Variants in CD93 observed in about 807,000 individuals in gnomAD.
CD93 encodes CD93 molecule, also known as complement component C1q receptor.
CD93 carries 44 observed loss-of-function variants against 45.5 expected under a neutral mutation model. The ratio of observed to expected loss-of-function variants is 0.97; its 90% CI spans 0.76 to 1.24. The LOEUF (loss-of-function observed/expected upper bound fraction) is 1.24, where lower values mean the gene tolerates loss of function less well. Ranked by LOEUF, CD93 falls within the 50% of genes most tolerant of loss-of-function variation. The pLI, the probability that CD93 is intolerant of heterozygous loss-of-function variation, is 0.00. For missense variants in CD93, 918 were observed against 844.5 expected, an observed-to-expected ratio of 1.09 and a Z score of -1.08; for synonymous variants, 431 against 370.8, an observed-to-expected ratio of 1.16 and a Z score of -1.87.
Position 23,086,104 on chromosome 20 carries a change from A to G in CD93, c.89T>C (p.Val30Ala), listed in dbSNP as rs780643608. The G allele has an allele frequency of 9.4e-6, 15 of 1,593,594 alleles. No homozygotes were observed. The Admixed American group carries it at 1.4e-4, about 14-fold the overall frequency. Residue 30 changes from valine to alanine, a missense_variant, in exon 1 of 2, where the codon GTC (valine) becomes GCC (alanine). By Grantham distance (64) the Val-to-Ala change is moderately conservative. Transcript: ENST00000246006. Reference sequence around the variant, plus strand: ...CGTGTAGCAGGCGGTCCCCACGCAGACCACCGCCTCCGTGTCAGCTCCCGT... The same window carrying G: ...CGTGTAGCAGGCGGTCCCCACGCAGGCCACCGCCTCCGTGTCAGCTCCCGT... ...AGTGADTEAV[V>A]CVGTACYTAH...
rs1985310083 is a variant in CD93 at position 23,081,077 on chromosome 20, G to C, written c.*2873C>G. On this transcript the variant is annotated 3_prime_UTR_variant, in exon 2 of 2. Coordinates refer to ENST00000246006, the MANE Select transcript of CD93 (RefSeq NM_012072.4). ...GATGTGGGATGAGGGGAGGGAGAGA[G>C]TTGGTCCTGAATATATTCAGTTTTT... The C allele has an allele frequency of 1.3e-5, 2 of 152,158 alleles. No homozygotes were observed. The highest frequency in any genetic ancestry group is 2.9e-5 in the Non-Finnish European group (2 of 68,052). The allele number at this position is 152,158 out of a possible 1,614,324, so 9.4% of individuals were successfully genotyped here. A position where few individuals can be genotyped will look rare whatever the true frequency, so the allele number is the denominator to read the frequency against.
In CD93 at chr20:23,085,376, G is replaced by T; in HGVS notation, c.817C>A (p.Gln273Lys). ...CCATCCCCCCCTTCAAAGCAGTCCT[G>T]GTGGCAGCCCCCATTGTTGAAGTTG... ...GCNFNNGGCH[Q>K]DCFEGGDGSF... The change falls in exon 1 of 2, where the codon CAG (glutamine) becomes AAG (lysine). Residue 273 changes from glutamine to lysine, a missense_variant. Coordinates refer to ENST00000246006, the MANE Select transcript of CD93 (RefSeq NM_012072.4). The T allele has an allele frequency of 6.2e-7, 1 of 1,613,974 alleles. No individual in the cohort carries two copies. Among genetic ancestry groups the T allele is most frequent in the Non-Finnish European group, 8.5e-7 (1 of 1,179,992 alleles).
chr20:23,085,831 T>TTGGGCCCCCC lies in CD93; in HGVS notation c.361_362insGGGGGGCCCA (p.Glu121GlyfsTer10). On this transcript the variant is annotated frameshift_variant, in exon 1 of 2. Coordinates refer to ENST00000246006, the MANE Select transcript of CD93 (RefSeq NM_012072.4). LOFTEE classifies it high-confidence loss of function. ...GTGCCAGTTAGAGTAAGGCGTGTCC[T>TTGGGCCCCCC]CCCCCCCGCCCACCCAGCTGAAGCC... The TTGGGCCCCCC allele has an allele frequency of 4.0e-6, 6 of 1,491,274 alleles. No individual in the cohort carries two copies. Among genetic ancestry groups the TTGGGCCCCCC allele is most frequent in the African/African-American group, 1.4e-5 (1 of 71,644 alleles). The allele number at this position is 1,491,274 out of a possible 1,614,324, so 92.4% of individuals were successfully genotyped here. A position where few individuals can be genotyped will look rare whatever the true frequency, so the allele number is the denominator to read the frequency against.
rs1416345596 is a variant in CD93, at chr20:23,083,292, C to G, written c.*658G>C. On this transcript the variant is annotated 3_prime_UTR_variant, in exon 2 of 2. Coordinates refer to ENST00000246006, the MANE Select transcript of CD93 (RefSeq NM_012072.4). Reference sequence around the variant, plus strand: ...TTTCAAGCTTCCTTTGCAAATAAACCCAAGGCTATTAGAAATGTAAGAACT... The same window carrying G: ...TTTCAAGCTTCCTTTGCAAATAAACGCAAGGCTATTAGAAATGTAAGAACT... 1 of 152,224 alleles carries G rather than the reference C, an allele frequency of 6.6e-6. No individual in the cohort carries two copies. Among genetic ancestry groups the G allele is most frequent in the African/African-American group, 2.4e-5 (1 of 41,434 alleles). 9.4% of individuals were successfully genotyped at this position (152,224 alleles called of 1,614,324 possible).
In CD93 at chr20:23,086,070, C is replaced by T. The variant is rs760796891; in HGVS notation, c.123G>A (p.Ser41=). The T allele has an allele frequency of 5.6e-6, 9 of 1,603,172 alleles. No homozygotes were observed. The highest frequency in any genetic ancestry group is 5.0e-5 in the Admixed American group (3 of 59,772). ...CVGTACYTAH[S]GKLSAAEAQN... ...GGGCCTCGGCAGCGCTCAGCTTGCC[C>T]GAGTGGGCCGTGTAGCAGGCGGTCC... is the stretch of plus-strand genomic sequence containing the variant. Residue 41 remains serine, a synonymous_variant, in exon 1 of 2, where the codon TCG becomes TCA. Coordinates refer to ENST00000246006, the MANE Select transcript of CD93 (RefSeq NM_012072.4).
Position 23,086,288 on chromosome 20 carries a change from G to A in CD93, c.-96C>T, listed in dbSNP as rs1985499980. ...CAGCTGGGCCCCAAGGGGAGCTGAG[G>A]GGTGAGCTGCAGCCACTCCGGCGCA... On this transcript the variant is annotated 5_prime_UTR_variant, in exon 1 of 2. Coordinates refer to ENST00000246006, the MANE Select transcript of CD93 (RefSeq NM_012072.4). 2.9e-6 allele frequency: 4 copies of A among 1,402,862 alleles called. No individual in the cohort carries two copies. Among genetic ancestry groups the A allele is most frequent in the Middle Eastern group, 2.6e-4 (1 of 3,898 alleles). The allele number at this position is 1,402,862 out of a possible 1,614,324, so 86.9% of individuals were successfully genotyped here.
rs1275588296 is a variant in CD93, at chr20:23,079,962, C to T, written c.*3988G>A. The T allele has an allele frequency of 1.3e-5, 2 of 151,892 alleles. No individual in the cohort carries two copies. The highest frequency in any genetic ancestry group is 1.3e-4 in the Admixed American group (2 of 15,216). The allele number at this position is 151,892 out of a possible 1,614,324, so 9.4% of individuals were successfully genotyped here. ...TGAATATATGGAGAATTCGGATTAT[C>T]ATCTCTATTTTTAGTTGAGAAAATG... On this transcript the variant is annotated 3_prime_UTR_variant, in exon 2 of 2. Transcript: ENST00000246006.
Position 23,083,850 on chromosome 20 carries a change from C to A in CD93, c.*100G>T, listed in dbSNP as rs1985393405. On this transcript the variant is annotated 3_prime_UTR_variant, in exon 2 of 2. Transcript: ENST00000246006. ...TACAATTGTTTGCTAAGATTCCAGT[C>A]CAGTCTTTCAAAAAAATGTGGGTGC... 1.9e-6 allele frequency: 2 copies of A among 1,057,888 alleles called. No homozygotes were observed. The highest frequency in any genetic ancestry group is 1.3e-5 in the South Asian group (1 of 79,868). The allele number at this position is 1,057,888 out of a possible 1,614,324, so 65.5% of individuals were successfully genotyped here. A position where few individuals can be genotyped will look rare whatever the true frequency, so the allele number is the denominator to read the frequency against.
rs749900724 is a variant in CD93 at position 23,086,151 on chromosome 20, GAGCAGCAGC to G, written c.33_41del (p.Leu13_Leu15del). On this transcript the variant is annotated inframe_deletion, in exon 1 of 2. Coordinates refer to ENST00000246006, the MANE Select transcript of CD93 (RefSeq NM_012072.4). ...CCGTCCCCGCCCCGGGCTGGGTCAG[GAGCAGCAGC>G]AGCAGCAGCAGCAGGCCCATGGAGG... The G allele has an allele frequency of 2.9e-5, 45 of 1,569,116 alleles. No homozygotes were observed. Among genetic ancestry groups the G allele is most frequent in the Admixed American group, 2.5e-4 (14 of 55,594 alleles).
chr20:23,085,148 A>G lies in CD93; in HGVS notation c.1045T>C (p.Cys349Arg). ...SQLDCVDVDE[C>R]QDSPCAQECV... Reference sequence around the variant, plus strand: ...TCCTGGGCACAGGGGGAGTCCTGGCATTCATCCACGTCCACACAGTCCAGC... The same window carrying G: ...TCCTGGGCACAGGGGGAGTCCTGGCGTTCATCCACGTCCACACAGTCCAGC... The change falls in exon 1 of 2, where the codon TGC becomes CGC. Residue 349 changes from cysteine (C) to arginine (R), a missense_variant. Physicochemically the swap from Cys to Arg is radical, Grantham distance 180. Transcript: ENST00000246006. 6.3e-7 allele frequency: 1 copy of G among 1,581,384 alleles called. No homozygotes were observed. Among genetic ancestry groups the G allele is most frequent in the Non-Finnish European group, 8.6e-7 (1 of 1,162,250 alleles).
At position 23,085,692 on chromosome 20, in the gene CD93, G is replaced by C. The variant is rs1015351873; in HGVS notation, c.501C>G (p.Ser167Arg). 6 of 1,610,486 alleles carry C rather than the reference G, an allele frequency of 3.7e-6. No homozygotes were observed. Among genetic ancestry groups the C allele is most frequent in the African/African-American group, 2.7e-5 (2 of 74,810 alleles). The change falls in exon 1 of 2, where the codon AGC (serine) becomes AGG (arginine). Residue 167 changes from serine (S) to arginine (R), a missense_variant. Ser to Arg is a moderately radical substitution (Grantham distance 110). Transcript: ENST00000246006. ...CAATGTTACTTCCGGGGGAGCCTGG[G>C]CTCCCACAGGGGCCCTCAGACCACT... is the stretch of plus-strand genomic sequence containing the variant. ...LPKWSEGPCG[S>R]PGSPGSNIEG...
Position 23,085,849 on chromosome 20 carries a change from C to G in CD93, c.344G>C (p.Ser115Thr), listed in dbSNP as rs1985483709. Reference sequence around the variant, plus strand: ...CGTGTCCTCCCCCCCGCCCACCCAGCTGAAGCCCTTCAGCGGCAGACTAGG... The same window carrying G: ...CGTGTCCTCCCCCCCGCCCACCCAGGTGAAGCCCTTCAGCGGCAGACTAGG... ...LDPSLPLKGF[S>T]WVGGGEDTPY... Residue 115 changes from serine (S) to threonine (T), a missense_variant, in exon 1 of 2, where the codon AGC (serine) becomes ACC (threonine). Coordinates refer to ENST00000246006, the MANE Select transcript of CD93 (RefSeq NM_012072.4). 3 of 1,589,944 alleles carry G rather than the reference C, an allele frequency of 1.9e-6. No homozygotes were observed. The highest frequency in any genetic ancestry group is 2.7e-5 in the African/African-American group (2 of 73,460).
At position 23,082,153 on chromosome 20, in the gene CD93, T is replaced by A. The variant is rs1040555900; in HGVS notation, c.*1797A>T. 5 of 152,150 alleles carry A rather than the reference T, an allele frequency of 3.3e-5. No homozygotes were observed. Among genetic ancestry groups the A allele is most frequent in the Admixed American group, 6.5e-5 (1 of 15,278 alleles). 9.4% of individuals were successfully genotyped at this position (152,150 alleles called of 1,614,324 possible). On this transcript the variant is annotated 3_prime_UTR_variant, in exon 2 of 2. Transcript: ENST00000246006. ...TTAAAAAGAAGTTCCAAATGCCCCA[T>A]CGAGCCGCACAAAACCTCCATCTTT...
At position 23,085,169 on chromosome 20, in the gene CD93, C is replaced by T; in HGVS notation, c.1024G>A (p.Asp342Asn). The T allele has an allele frequency of 6.3e-7, 1 of 1,585,516 alleles. No individual in the cohort carries two copies. The highest frequency in any genetic ancestry group is 1.2e-5 in the South Asian group (1 of 85,230). ...TGGCATTCATCCACGTCCACACAGT[C>T]CAGCTGACTCGAGTCCAGCTGGTAC... is the stretch of plus-strand genomic sequence containing the variant. Reference protein sequence around the residue: ...QGYQLDSSQLDCVDVDECQDS... With the variant: ...QGYQLDSSQLNCVDVDECQDS... Residue 342 changes from aspartate to asparagine, a missense_variant, in exon 1 of 2, where the codon GAC becomes AAC. Coordinates refer to ENST00000246006, the MANE Select transcript of CD93 (RefSeq NM_012072.4).
rs148107289 is a variant in CD93 at position 23,085,256 on chromosome 20, C to A, written c.937G>T (p.Gly313Trp). The A allele has an allele frequency of 1.9e-6, 3 of 1,613,126 alleles. No individual in the cohort carries two copies. The highest frequency in any genetic ancestry group is 2.5e-6 in the Non-Finnish European group (3 of 1,179,616). The change falls in exon 1 of 2, where the codon GGG (glycine) becomes TGG (tryptophan). Residue 313 changes from glycine (G) to tryptophan (W), a missense_variant. Coordinates refer to ENST00000246006, the MANE Select transcript of CD93 (RefSeq NM_012072.4). The stretch of plus-strand genomic sequence containing the variant: ...GGTCCCAGGACGCACGTGGCCCCCC[C>A]ACGACATGGGCTGGAGCTGCAAGGG... ...RNPCSSSPCR[G>W]GATCVLGPHG...
Position 23,084,383 on chromosome 20 carries a change from G to A in CD93, c.1810C>T (p.Leu604=). Residue 604 remains leucine, a synonymous_variant, in exon 1 of 2, where the codon CTG becomes TTG. Coordinates refer to ENST00000246006, the MANE Select transcript of CD93 (RefSeq NM_012072.4). ...TTCGCTCTCCGCTTGCGATAGACCAGTAGCCCCAGAGCCAGGGCCAGCAGG... is the reference window on the plus strand; with the variant it reads ...TTCGCTCTCCGCTTGCGATAGACCAATAGCCCCAGAGCCAGGGCCAGCAGG... The part of the protein sequence containing the change: ...LLLLALALGL[L]VYRKRRAKRE... 1 of 1,614,242 alleles carries A rather than the reference G, an allele frequency of 6.2e-7. No homozygotes were observed. Among genetic ancestry groups the A allele is most frequent in the Non-Finnish European group, 8.5e-7 (1 of 1,180,052 alleles).
rs372377909 is a variant in CD93, at chr20:23,084,547, A to T, written c.1646T>A (p.Ile549Asn). 9 of 1,612,418 alleles carry T rather than the reference A, an allele frequency of 5.6e-6. No individual in the cohort carries two copies. The highest frequency in any genetic ancestry group is 6.8e-6 in the Non-Finnish European group (8 of 1,179,080). The change falls in exon 1 of 2, where the codon ATC becomes AAC. Residue 549 changes from isoleucine to asparagine, a missense_variant. By Grantham distance (149) the Ile-to-Asn change is moderately radical (BLOSUM62 -3). Coordinates refer to ENST00000246006, the MANE Select transcript of CD93 (RefSeq NM_012072.4). ...GCCAGAGGCAGCTGTGGCGTGATGG[A>T]TGCTGGGCTCCCTCCAGACGCCTGG... ...GSPGVWREPS[I>N]HHATAASGPQ...
rs6076019 is a variant in CD93 at position 23,083,642 on chromosome 20, G to A, written c.*308C>T. On this transcript the variant is annotated 3_prime_UTR_variant, in exon 2 of 2. Transcript: ENST00000246006. ...ATATTCAGGGGAGCCCCTTAGCCCC[G>A]GCCTCCTCACACCCTGATCCGGAAT... 261,059 of 463,468 alleles carry A rather than the reference G, an allele frequency of 0.56. 76,230 individuals carry two copies. Among genetic ancestry groups the A allele is most frequent in the East Asian group, 0.78 (19,931 of 25,432 alleles). The allele number at this position is 463,468 out of a possible 1,614,324, so 28.7% of individuals were successfully genotyped here.
chr20:23,085,017 A>C lies in CD93; in HGVS notation c.1176T>G (p.Gly392=). The C allele has an allele frequency of 6.2e-7, 1 of 1,613,890 alleles. No individual in the cohort carries two copies. Among genetic ancestry groups the C allele is most frequent in the Non-Finnish European group, 8.5e-7 (1 of 1,179,986 alleles). The change falls in exon 1 of 2, where the codon GGT becomes GGG. Residue 392 remains glycine (G), a synonymous_variant. Transcript: ENST00000246006. ...ACQDVDECAL[G]RSPCAQGCTN... is the part of the protein sequence containing the mutation. Reference sequence around the variant, plus strand: ...TGCAGCCCTGGGCGCAAGGCGAGCGACCCAGAGCACACTCATCCACATCCT... The same window carrying C: ...TGCAGCCCTGGGCGCAAGGCGAGCGCCCCAGAGCACACTCATCCACATCCT...
Sources: allele counts gnomAD v4.1 joint callset, GRCh38; gene constraint gnomAD v4.1.1; transcripts MANE v1.5; gene names NCBI Gene and HGNC (gene_info 2026-07-23, HGNC 2026-07-21).